The following ABCB1 variants were observed in gnomAD, a reference collection of about 807,000 sequenced individuals.
The protein encoded by ABCB1 is ATP binding cassette subfamily B member 1, also known as ATP-dependent translocase ABCB1.
A neutral mutation model predicts 142.0 loss-of-function variants in ABCB1; 69 were observed. The observed-to-expected ratio is 0.49, with a 90% confidence interval of 0.40 to 0.59. ABCB1 has a LOEUF of 0.59. Among genes scored for constraint, ABCB1 ranks in the 20% least tolerant of loss-of-function variants. The pLI is 0.00. For missense variants in ABCB1, 1,326 were observed against 1,554.7 expected (o/e 0.85, Z 2.47); for synonymous variants, 532 against 539.2 (o/e 0.99, Z 0.18).
In ABCB1 at chr7:87,700,576, CG is replaced by C. The variant is rs1025581495; in HGVS notation, c.-331+12584del. On this transcript the variant is annotated intron_variant, in intron 1 of 28. Transcript: ENST00000265724. ...TAAGGTAAGACATTGGTCAGAGACT[CG>C]TTTCTATTTTTTTTTTCATTGCATG... The C allele has an allele frequency of 1.0e-5, 16 of 1,582,344 alleles. No individual in the cohort carries two copies. In the African/African-American group the frequency reaches 1.8e-4, roughly 18 times the overall value.
chr7:87,551,482 T>G (rs1584873086), intron 9 of ABCB1, among the ~76,000 whole-genome samples: 1 of 152,212 alleles, frequency 6.6e-6, no homozygotes, highest in Non-Finnish European at 1.5e-5. Context: ...CAATTAAAAA[T>G]AGCATAAAAT....
intron 2 of ABCB1, among the ~76,000 whole-genome samples, chr7:87,598,269 T>C (rs1175313847): frequency 2.0e-5 from 3 of 152,226 alleles, no homozygotes; most frequent in Admixed American, 6.5e-5. Context: ...ATTACAAATG[T>C]GGCTCACATG....
intron 1 of ABCB1, among the ~76,000 whole-genome samples, chr7:87,635,465 T>A (rs1269646880): frequency 6.6e-6 from 1 of 152,218 alleles, no homozygotes; most frequent in Non-Finnish European, 1.5e-5. Flanking sequence ...TACTGGACAC[T>A]AATGTATAAC....
intron 1 of ABCB1, among the ~76,000 whole-genome samples, chr7:87,654,782 G>A (rs79584784): frequency 0.039 from 5,943 of 152,048 alleles, 163 homozygotes; most frequent in South Asian, 0.063. Flanking sequence ...TACAAAAAGG[G>A]AAGAAATATT....
At chr7:87,565,990 A>G in intron 7 of ABCB1, 80 bp downstream of exon 7, 1 of 1,459,898 alleles carries the variant, frequency 6.8e-7, no homozygotes, top group Non-Finnish European at 9.6e-7. Flanking sequence ...GTCATCATGT[A>G]GTAAAAAGAC....
intron 1 of ABCB1, among the ~76,000 whole-genome samples, chr7:87,678,566 A>G (rs1826608726): frequency 6.6e-6 from 1 of 152,216 alleles, no homozygotes. Flanking sequence ...ACAGAAAACA[A>G]ACAATAAAAT....
At chr7:87,671,134 G>T (rs937556220) in intron 1 of ABCB1, among the ~76,000 whole-genome samples, 4 of 152,104 alleles carry the variant, frequency 2.6e-5, no homozygotes, top group African/African-American at 9.7e-5. Context: ...TCTGTACTGT[G>T]GCCCCAGGCC....
At chr7:87,504,734 G>A (rs1814653570) in intron 27 of ABCB1, among the ~76,000 whole-genome samples, 1 of 151,728 alleles carries the variant, frequency 6.6e-6, no homozygotes, top group Non-Finnish European at 1.5e-5. Flanking sequence ...GAACCCGGGA[G>A]GCAGAGCTTG....
upstream of ABCB1, among the ~76,000 whole-genome samples, chr7:87,603,470 T>C (rs1819538002): frequency 6.6e-6 from 1 of 152,186 alleles, no homozygotes; most frequent in Non-Finnish European, 1.5e-5. Context: ...GTTTTCTCCT[T>C]ATGAGTCCAT....
At chr7:87,600,239 G>T in intron 1 of ABCB1, 49 bp from the exon 2 acceptor site, 2 of 1,524,586 alleles carry the variant, frequency 1.3e-6, no homozygotes, top group South Asian at 2.3e-5. Context: ...CCTCAGGCGC[G>T]CTGGAGGTGA....
rs1389349423 is a variant in ABCB1, at chr7:87,504,211, A to T, written c.*32T>A. 1.9e-6 allele frequency: 3 copies of T among 1,612,524 alleles called. No homozygotes were observed. Among genetic ancestry groups the T allele is most frequent in the Non-Finnish European group, 2.5e-6 (3 of 1,178,754 alleles). On this transcript the variant is annotated 3_prime_UTR_variant, in exon 28 of 28. Coordinates refer to ENST00000622132, the MANE Select transcript of ABCB1 (RefSeq NM_001348946.2). ...TAAATGTCATATCTAAACAAATATT[A>T]AAAAGTATTTAACATCTCATACAGT... is the stretch of plus-strand genomic sequence containing the variant.
chr7:87,638,380 T>TG (rs201685472), intron 1 of ABCB1, among the ~76,000 whole-genome samples: 4 of 151,120 alleles, frequency 2.6e-5, no homozygotes, highest in African/African-American at 4.9e-5. Flanking sequence ...TGTGTGTGTG[T>TG]TTCCTCCCCT....
chr7:87,661,241 T>A (rs1824680622), intron 1 of ABCB1, among the ~76,000 whole-genome samples: 1 of 151,978 alleles, frequency 6.6e-6, no homozygotes, highest in African/African-American at 2.4e-5. Flanking sequence ...ACTTCAAGCA[T>A]TCATTTTTTT....
chr7:87,692,564 A>G (rs1017776101), intron 1 of ABCB1, among the ~76,000 whole-genome samples: 5 of 152,212 alleles, frequency 3.3e-5, no homozygotes, highest in African/African-American at 1.2e-4. Flanking sequence ...AAATCTGGTC[A>G]TGATATGCTT....
intron 4 of ABCB1, among the ~76,000 whole-genome samples, chr7:87,574,853 A>G (rs542600065): frequency 6.6e-6 from 1 of 151,780 alleles, no homozygotes; most frequent in South Asian, 2.1e-4. Flanking sequence ...TCTTCCTCCC[A>G]CTCCCACTGG....
rs201520086 is a variant in ABCB1 at position 87,509,310 on chromosome 7, C to T, written c.3454G>A (p.Ala1152Thr). Residue 1152 changes from alanine (A) to threonine (T), a missense_variant, in exon 26 of 28, where the codon GCC (alanine) becomes ACC (threonine). Coordinates refer to ENST00000622132, the MANE Select transcript of ABCB1 (RefSeq NM_001348946.2). Reference protein sequence around the residue: ...QEEIVRAAKEANIHAFIESLP... With the variant: ...QEEIVRAAKETNIHAFIESLP... ...GACTCGATGAAGGCATGTATGTTGGCCTCCTTTGCTGCCCTCACAATCTCT... is the reference window on the plus strand; with the variant it reads ...GACTCGATGAAGGCATGTATGTTGGTCTCCTTTGCTGCCCTCACAATCTCT... 3 of 1,614,138 alleles carry T rather than the reference C, an allele frequency of 1.9e-6. No individual in the cohort carries two copies. The highest frequency in any genetic ancestry group is 2.5e-6 in the Non-Finnish European group (3 of 1,180,022).
At chr7:87,690,202 T>G (rs1203237970) in intron 1 of ABCB1, among the ~76,000 whole-genome samples, 1 of 152,094 alleles carries the variant, frequency 6.6e-6, no homozygotes, top group Admixed American at 6.5e-5. Context: ...TAAAATATTT[T>G]TATTACTCTT....
At chr7:87,601,336 G>A (rs1056858031), upstream of ABCB1, among the ~76,000 whole-genome samples, 8 of 152,124 alleles carry the variant, frequency 5.3e-5, no homozygotes, top group Non-Finnish European at 1.2e-4. Flanking sequence ...TCTTTCTTCA[G>A]CATGCTTGAC....
At chr7:87,686,367 T>A (rs1045879108) in intron 1 of ABCB1, among the ~76,000 whole-genome samples, 1 of 152,294 alleles carries the variant, frequency 6.6e-6, no homozygotes, top group South Asian at 2.1e-4. Flanking sequence ...ACGAGCATGG[T>A]GTAACACAAA....
Sources: allele counts gnomAD v4.1 joint callset (sites outside exome capture counted in the v4.1 genomes callset), GRCh38; gene constraint gnomAD v4.1.1; transcripts MANE v1.5; gene names NCBI Gene and HGNC (gene_info 2026-07-23, HGNC 2026-07-21).